Variants in REV3L observed in about 807,000 individuals in gnomAD.
REV3L encodes the protein REV3 like, DNA directed polymerase zeta catalytic subunit.
A neutral mutation model predicts 299.4 loss-of-function variants in REV3L; 69 were observed. The ratio of observed to expected loss-of-function variants is 0.23; its 90% CI spans 0.19 to 0.28. The LOEUF (loss-of-function observed/expected upper bound fraction) is 0.28, where lower values mean the gene tolerates loss of function less well. REV3L is among the 10% of genes least tolerant of loss of function. REV3L has a pLI of 1.00. For missense variants in REV3L, 3,128 were observed against 3,693.8 expected (o/e 0.85, Z 3.97); for synonymous variants, 1,238 against 1,271.4 (o/e 0.97, Z 0.56).
At chr6:111,389,059 A>G (rs1230377673) in intron 7 of REV3L, 47 bp downstream of exon 7, 2 of 1,397,724 alleles carry the variant, frequency 1.4e-6, no homozygotes, top group East Asian at 4.6e-5. Flanking sequence ...CTTTTCCATT[A>G]AAATACTTGA....
chr6:111,420,957 G>A (rs1159061746), intron 1 of REV3L, among the ~76,000 whole-genome samples: 1 of 152,082 alleles, frequency 6.6e-6, no homozygotes, highest in African/African-American at 2.4e-5. Flanking sequence ...TGGCCAACAT[G>A]GTGAAACCCC....
At chr6:111,456,528 G>C (rs1409589657) in intron 1 of REV3L, among the ~76,000 whole-genome samples, 1 of 152,072 alleles carries the variant, frequency 6.6e-6, no homozygotes, top group East Asian at 1.9e-4. Context: ...CTCAAAATCT[G>C]CCAGCTACTG....
chr6:111,424,189 G>A (rs1272867511), intron 1 of REV3L, among the ~76,000 whole-genome samples: 1 of 152,170 alleles, frequency 6.6e-6, no homozygotes, highest in Non-Finnish European at 1.5e-5. Flanking sequence ...GGCAAGAAAG[G>A]GAAGCTAATA....
chr6:111,329,845 A>G (rs1387013780), intron 24 of REV3L, 107 bp from the exon 25 acceptor site: 3 of 808,032 alleles, frequency 3.7e-6, no homozygotes, highest in Non-Finnish European at 6.0e-6. Context: ...GAATTGAAAC[A>G]TGCTAACAAC....
rs1204540576 is a variant in REV3L at position 111,375,458 on chromosome 6, T to G, written c.2897A>C (p.Lys966Thr). 6.2e-7 allele frequency: 1 copy of G among 1,602,344 alleles called. No individual in the cohort carries two copies. The highest frequency in any genetic ancestry group is 8.5e-7 in the Non-Finnish European group (1 of 1,177,106). The change falls in exon 13 of 32, where the codon AAA (lysine) becomes ACA (threonine). Residue 966 changes from lysine (K) to threonine (T), a missense_variant. Around this residue, in one of 9 missense-constraint regions of REV3L, gnomAD observed 2,409 missense variants for 2,611.8 expected, o/e 0.92. Coordinates refer to ENST00000368802, the MANE Select transcript of REV3L (RefSeq NM_001372078.1). ...GACAGGGGGCAGCTTTTTAGACATT[T>G]TTCTTCGTTTTCGGGATTTGAGAGT... ...DGTLKSRKRR[K>T]MSKKLPPVII...
At chr6:111,307,839 G>A (rs1477210067) in intron 30 of REV3L, 3 of 398,920 alleles carry the variant, frequency 7.5e-6, no homozygotes, top group Non-Finnish European at 1.4e-5. Flanking sequence ...GGTATGTGCA[G>A]GTTTGTTACA....
At chr6:111,400,223 G>C (rs1041585394) in intron 4 of REV3L, among the ~76,000 whole-genome samples, 31 of 152,114 alleles carry the variant, frequency 2.0e-4, no homozygotes, top group Admixed American at 1.8e-3. Context: ...AGGTTTGGGT[G>C]GACCTAAATC....
chr6:111,461,261 T>C (rs965967149), intron 1 of REV3L, among the ~76,000 whole-genome samples: 3 of 152,012 alleles, frequency 2.0e-5, no homozygotes, highest in African/African-American at 4.8e-5. Context: ...ATAGCTTGAC[T>C]CTCTGTGGGC....
chr6:111,395,265 T>C (rs1782373821), intron 4 of REV3L, among the ~76,000 whole-genome samples: 1 of 152,220 alleles, frequency 6.6e-6, no homozygotes, highest in African/African-American at 2.4e-5. Context: ...TATTTTGATA[T>C]GAACTGCAAT....
intron 16 of REV3L, chr6:111,361,652 T>C (rs992534196): frequency 1.3e-5 from 2 of 151,722 alleles, no homozygotes; most frequent in Non-Finnish European, 2.9e-5. Context: ...ATTTAGTGAG[T>C]GTGACTAGGC....
intron 25 of REV3L, among the ~76,000 whole-genome samples, chr6:111,325,803 G>A (rs958615539): frequency 1.3e-5 from 2 of 152,042 alleles, no homozygotes; most frequent in Non-Finnish European, 2.9e-5. Context: ...CATTCTTTTA[G>A]TTATTTAAAA....
chr6:111,332,634 TAAGAA>T (rs17511300), intron 23 of REV3L, among the ~76,000 whole-genome samples: 3,624 of 152,260 alleles, frequency 0.024, 56 homozygotes, highest in Admixed American at 0.065. Context: ...TCCTACAATT[TAAGAA>T]AAGTATCTAA....
intron 1 of REV3L, among the ~76,000 whole-genome samples, chr6:111,438,322 A>G (rs886498911): frequency 2.0e-5 from 3 of 152,134 alleles, no homozygotes; most frequent in African/African-American, 7.2e-5. Context: ...ATGAATATAC[A>G]GAAATATAAT....
At chr6:111,448,099 A>G (rs1451826717) in intron 1 of REV3L, among the ~76,000 whole-genome samples, 5 of 152,170 alleles carry the variant, frequency 3.3e-5, no homozygotes, top group African/African-American at 1.2e-4. Context: ...CATATAAATA[A>G]GCAATCCAAC....
intron 25 of REV3L, among the ~76,000 whole-genome samples, chr6:111,325,480 T>G (rs1774680471): frequency 6.6e-6 from 1 of 152,208 alleles, no homozygotes; most frequent in African/African-American, 2.4e-5. Flanking sequence ...CTACAACTAT[T>G]AGCTACATTT....
chr6:111,482,707 CCCG>C lies in REV3L; in HGVS notation c.139+40_139+42del, dbSNP rs1346752944. The C allele has an allele frequency of 2.5e-6, 3 of 1,193,570 alleles. No individual in the cohort carries two copies. The African/African-American group carries it at 4.8e-5, about 19-fold the overall frequency. The allele number at this position is 1,193,570 out of a possible 1,614,324, so 73.9% of individuals were successfully genotyped here. On this transcript the variant is annotated intron_variant, in intron 1 of 31. Transcript: ENST00000368802. ...GCGGCGGGGAGGGCGGCCCCGGCGC[CCCG>C]CCGACTCCCGCTCCCGCCCCGCGCC...
chr6:111,333,530 G>A (rs939044872), intron 22 of REV3L, among the ~76,000 whole-genome samples, 163 bp from the exon 23 acceptor site: 1 of 151,202 alleles, frequency 6.6e-6, no homozygotes, highest in Non-Finnish European at 1.5e-5. Flanking sequence ...GCTGGAGTAC[G>A]ATGGCACGAT....
intron 14 of REV3L, among the ~76,000 whole-genome samples, 160 bp downstream of exon 14, chr6:111,366,955 A>G (rs1474566848): frequency 6.6e-6 from 1 of 152,210 alleles, no homozygotes; most frequent in Non-Finnish European, 1.5e-5. Context: ...TCACAGCAGA[A>G]AGACAGTTGC....
intron 26 of REV3L, among the ~76,000 whole-genome samples, chr6:111,320,899 C>T (rs919578672): frequency 6.6e-6 from 1 of 152,200 alleles, no homozygotes; most frequent in Non-Finnish European, 1.5e-5. Context: ...AATCCACCTG[C>T]CTTGGCCTCC....
Sources: allele counts gnomAD v4.1 joint callset (sites outside exome capture counted in the v4.1 genomes callset), GRCh38; gene constraint gnomAD v4.1.1; regional missense constraint gnomAD v4.1.1; transcripts MANE v1.5; gene names NCBI Gene and HGNC (gene_info 2026-07-23, HGNC 2026-07-21).